The following ZNF717 variants were observed in gnomAD, a reference collection of about 807,000 sequenced individuals.
ZNF717 encodes the protein zinc finger protein 717.
Under a neutral mutation model 13.8 loss-of-function variants are expected in ZNF717, and 9 were observed. The ratio of observed to expected loss-of-function variants is 0.65; its 90% CI spans 0.39 to 1.14. The LOEUF is 1.14. ZNF717 is among the 50% of genes most tolerant of loss of function. The pLI is 0.01. For synonymous variants in ZNF717, 327 were observed against 364.1 expected (o/e 0.90, Z 1.16); for missense variants, 1,040 against 1,080.7 (o/e 0.96, Z 0.53).
intron 2 of ZNF717, among the ~76,000 whole-genome samples, chr3:75,751,990 C>T (rs1395763181): frequency 4.0e-5 from 6 of 151,670 alleles, no homozygotes; most frequent in Non-Finnish European, 8.8e-5. Context: ...AACGTTTGTC[C>T]TTCACATATG....
intron 2 of ZNF717, among the ~76,000 whole-genome samples, chr3:75,780,027 G>C (rs944994618): frequency 6.7e-6 from 1 of 148,456 alleles, no homozygotes; most frequent in African/African-American, 2.5e-5. Flanking sequence ...TGGGAGAGAC[G>C]TGCTAAACCA....
intron 6 of ZNF717, among the ~76,000 whole-genome samples, chr3:75,702,171 T>A (rs1937708802): frequency 6.6e-6 from 1 of 152,306 alleles, no homozygotes; most frequent in African/African-American, 2.4e-5. Flanking sequence ...GGCACTCTCA[T>A]GTTTGCTTCA....
chr3:75,737,798 G>C lies in ZNF717; in HGVS notation c.1825C>G (p.His609Asp). Residue 609 changes from histidine (H) to aspartate (D), a missense_variant, in exon 5 of 5, where the codon CAC (histidine) becomes GAC (aspartate). Transcript: ENST00000652011. ...TFINKLNLGIHKRTHTGERPY... is the reference protein window; with the variant it reads ...TFINKLNLGIDKRTHTGERPY... The stretch of plus-strand genomic sequence containing the variant: ...CTTTCCCCTGTGTGAGTTCTCTTGT[G>C]TATCCCAAGGTTTAACTTATTGATA... The C allele has an allele frequency of 6.4e-7, 1 of 1,551,664 alleles. No homozygotes were observed. Among genetic ancestry groups the C allele is most frequent in the Non-Finnish European group, 8.7e-7 (1 of 1,146,946 alleles).
rs1234627798 is a variant in ZNF717, at chr3:75,738,794, G to T, written c.829C>A (p.His277Asn). 1.0e-5 allele frequency: 16 copies of T among 1,552,986 alleles called. No homozygotes were observed. In the South Asian group the frequency reaches 1.3e-4, roughly 13 times the overall value. The part of the protein sequence containing the change: ...KSDFTKHQQT[H>N]TGEKPYECVE... ...CATTCATAGGGTTTCTCTCCTGTGT[G>T]TGTCTGCTGATGTTTAGTGAAGTCA... Residue 277 changes from histidine (H) to asparagine (N), a missense_variant, in exon 5 of 5, where the codon CAC becomes AAC. Coordinates refer to ENST00000652011, the MANE Select transcript of ZNF717 (RefSeq NM_001290208.3).
chr3:75,768,171 C>G (rs1398762522), intron 2 of ZNF717, among the ~76,000 whole-genome samples: 1 of 152,258 alleles, frequency 6.6e-6, no homozygotes, highest in African/African-American at 2.4e-5. Context: ...CACCTACCTC[C>G]TGCCTTCCAC....
intron 2 of ZNF717, among the ~76,000 whole-genome samples, chr3:75,781,848 T>A (rs1472802819): frequency 6.6e-6 from 1 of 152,142 alleles, no homozygotes; most frequent in Non-Finnish European, 1.5e-5. Context: ...CCTATCACTT[T>A]GTGGTGAATT....
intron 2 of ZNF717, among the ~76,000 whole-genome samples, chr3:75,774,204 G>GAAAGAAA (rs1944126143): frequency 2.3e-5 from 3 of 132,178 alleles, no homozygotes; most frequent in Admixed American, 7.4e-5. Context: ...AAAAAAAAAA[G>GAAAGAAA]GAAAAACAAG....
chr3:75,757,806 C>G (rs975584116), intron 2 of ZNF717, among the ~76,000 whole-genome samples: 1 of 151,844 alleles, frequency 6.6e-6, no homozygotes, highest in African/African-American at 2.4e-5. Context: ...TAAAGAAGAT[C>G]AAAATAGCAA....
downstream of ZNF717, among the ~76,000 whole-genome samples, chr3:75,729,234 T>C (rs58416976): frequency 2.0e-3 from 121 of 59,366 alleles, no homozygotes; most frequent in Middle Eastern, 0.017. Flanking sequence ...ATACATAGCA[T>C]AGACAAAGAG....
intron 2 of ZNF717, among the ~76,000 whole-genome samples, chr3:75,766,135 T>TA (rs1359507265): frequency 6.6e-6 from 1 of 151,482 alleles, no homozygotes; most frequent in East Asian, 1.9e-4. Flanking sequence ...AAATAGAAAA[T>TA]AAGTAGAAAA....
chr3:75,764,058 A>G (rs111296362), intron 2 of ZNF717, among the ~76,000 whole-genome samples: 274 of 148,732 alleles, frequency 1.8e-3, no homozygotes, highest in African/African-American at 6.1e-3. Context: ...TGCCCCTGTC[A>G]TTACAGAGAG....
chr3:75,720,497 G>T (rs1397704349), intron 4 of ZNF717, among the ~76,000 whole-genome samples: 2 of 152,120 alleles, frequency 1.3e-5, no homozygotes, highest in Non-Finnish European at 2.9e-5. Flanking sequence ...AGGGAGGAGG[G>T]AATGGGGCAA....
intron 2 of ZNF717, among the ~76,000 whole-genome samples, chr3:75,756,362 C>G (rs1942473897): frequency 6.6e-6 from 1 of 152,230 alleles, no homozygotes; most frequent in Admixed American, 6.5e-5. Context: ...ACAATAGCCT[C>G]TATGTGTTCA....
chr3:75,745,286 G>C (rs1941033745), intron 2 of ZNF717, among the ~76,000 whole-genome samples: 3 of 151,570 alleles, frequency 2.0e-5, no homozygotes, highest in Admixed American at 6.6e-5. Context: ...GTAGCGTTCT[G>C]GCATCCTATG....
At chr3:75,778,205 A>T (rs1944487055) in intron 2 of ZNF717, among the ~76,000 whole-genome samples, 1 of 151,920 alleles carries the variant, frequency 6.6e-6, no homozygotes, top group Non-Finnish European at 1.5e-5. Context: ...AATGGGAGTG[A>T]CGTGCTAAAA....
intron 2 of ZNF717, among the ~76,000 whole-genome samples, chr3:75,777,621 C>T (rs566906683): frequency 6.8e-5 from 10 of 147,052 alleles, no homozygotes; most frequent in South Asian, 2.2e-4. Flanking sequence ...TTGCTAAAAC[C>T]GGAACCCAAA....
intron 6 of ZNF717, among the ~76,000 whole-genome samples, chr3:75,696,904 A>AAC (rs1553650925): frequency 5.2e-3 from 123 of 23,646 alleles, no homozygotes; most frequent in Non-Finnish European, 0.015. Flanking sequence ...AAAAAAAAAA[A>AAC]AAAAAAAAAA....
At chr3:75,728,344 A>C (rs3009040), downstream of ZNF717, among the ~76,000 whole-genome samples, 127,046 of 150,514 alleles carry the variant, frequency 0.84, 52,959 homozygotes, top group East Asian at 0.89. Context: ...GATGCACACC[A>C]AGGAGACAGG....
downstream of ZNF717, chr3:75,732,270 C>T (rs77143004): frequency 9.6e-6 from 6 of 623,100 alleles, no homozygotes; most frequent in African/African-American, 1.1e-4. Flanking sequence ...GGGAAATTCC[C>T]AACTCCAGCC....
Sources: allele counts gnomAD v4.1 joint callset (sites outside exome capture counted in the v4.1 genomes callset), GRCh38; gene constraint gnomAD v4.1.1; transcripts MANE v1.5; gene names NCBI Gene and HGNC (gene_info 2026-07-23, HGNC 2026-07-21).